UTRN: variants seen among roughly 807,000 people sequenced by gnomAD.
UTRN encodes dystrophin-related protein 1.
A neutral mutation model predicts 463.9 loss-of-function variants in UTRN; 283 were observed. The ratio of observed to expected loss-of-function variants is 0.61; its 90% CI spans 0.55 to 0.67. The LOEUF (loss-of-function observed/expected upper bound fraction) is 0.67. UTRN is among the 30% of genes least tolerant of loss of function. The probability of loss-of-function intolerance (pLI) is 0.00; values close to 1 mark genes in which losing one functional copy is unlikely to be tolerated. For synonymous variants in UTRN, 1,442 were observed against 1,431.5 expected (o/e 1.01, Z -0.17); for missense variants, 3,922 against 4,084.3 (o/e 0.96, Z 1.08).
At chr6:144,731,171 C>A (rs1005627212) in intron 54 of UTRN, among the ~76,000 whole-genome samples, 1 of 151,706 alleles carries the variant, frequency 6.6e-6, no homozygotes, top group Non-Finnish European at 1.5e-5. Context: ...AAATACTTTT[C>A]TTTTACAAGC....
At chr6:144,847,534 C>T (rs1156424175) in intron 74 of UTRN, among the ~76,000 whole-genome samples, 5 of 151,926 alleles carry the variant, frequency 3.3e-5, no homozygotes, top group Admixed American at 6.6e-5. Flanking sequence ...AGTAAATCTG[C>T]GTTTTATATA....
At chr6:144,749,259 G>A (rs1450134187) in intron 55 of UTRN, among the ~76,000 whole-genome samples, 1 of 152,130 alleles carries the variant, frequency 6.6e-6, no homozygotes, top group Non-Finnish European at 1.5e-5. Context: ...CATTGACAGT[G>A]TAGTCAGATA....
chr6:144,477,323 C>T (rs750243594), intron 25 of UTRN, among the ~76,000 whole-genome samples: 1 of 152,066 alleles, frequency 6.6e-6, no homozygotes. Context: ...TAATAAAATG[C>T]TTTTGGCTAA....
rs576236383 is a variant in UTRN at position 144,327,849 on chromosome 6, C to T, written c.79+35942C>T. Among the ~76,000 whole-genome samples the T allele has an allele frequency of 1.5e-3, 224 of 152,068 alleles. 1 individual carries two copies. The highest frequency in any genetic ancestry group is 2.5e-3 in the Non-Finnish European group (170 of 67,982). ...ATCCTAGCAACTCGTGAGGCTGAGGCGGGAGAATCACTTGAACCCGGGAGG... is the reference window on the plus strand; with the variant it reads ...ATCCTAGCAACTCGTGAGGCTGAGGTGGGAGAATCACTTGAACCCGGGAGG... On this transcript the variant is annotated intron_variant, in intron 2 of 74. Transcript: ENST00000367545.
intron 53 of UTRN, among the ~76,000 whole-genome samples, chr6:144,709,885 A>G (rs906355109): frequency 6.6e-6 from 1 of 152,212 alleles, no homozygotes; most frequent in African/African-American, 2.4e-5. Flanking sequence ...TTATATGTAC[A>G]TAAATGATTT....
chr6:144,815,741 C>T (rs1779018182), intron 65 of UTRN, among the ~76,000 whole-genome samples: 1 of 152,204 alleles, frequency 6.6e-6, no homozygotes, highest in South Asian at 2.1e-4. Context: ...AGATGGTACC[C>T]ACCGGGTTTG....
intron 50 of UTRN, among the ~76,000 whole-genome samples, chr6:144,566,679 G>T (rs949162996): frequency 3.3e-5 from 5 of 152,128 alleles, no homozygotes; most frequent in Non-Finnish European, 7.4e-5. Flanking sequence ...TGAACCTGAA[G>T]CTCAGTATAG....
chr6:144,333,007 C>T (rs1215898408), intron 2 of UTRN, among the ~76,000 whole-genome samples: 1 of 151,778 alleles, frequency 6.6e-6, no homozygotes, highest in Non-Finnish European at 1.5e-5. Flanking sequence ...GATCTTGGCT[C>T]ACTGCAACCT....
chr6:144,636,479 CAT>C (rs1013403262), intron 51 of UTRN, among the ~76,000 whole-genome samples: 11 of 152,100 alleles, frequency 7.2e-5, no homozygotes, highest in African/African-American at 2.4e-4. Context: ...ACCGCCATGA[CAT>C]GTGTATACCT....
At chr6:144,394,303 A>G (rs2114774175) in intron 2 of UTRN, among the ~76,000 whole-genome samples, 1 of 152,342 alleles carries the variant, frequency 6.6e-6, no homozygotes, top group East Asian at 1.9e-4. Context: ...TCATAGTTCC[A>G]CGTGGCAAAG....
rs73780567 is a variant in UTRN at position 144,429,513 on chromosome 6, T to G, written c.695-68T>G. 4,172 of 1,399,780 alleles carry G rather than the reference T, an allele frequency of 3.0e-3. 108 individuals carry two copies. In the African/African-American group the frequency reaches 0.051, roughly 17 times the overall value. 86.7% of individuals were successfully genotyped at this position (1,399,780 alleles called of 1,614,324 possible). A position where few individuals can be genotyped will look rare whatever the true frequency, so the allele number is the denominator to read the frequency against. ...GTACTAAGGAGAGTTATTTTATATC[T>G]AATATTGAGCAATTCACATATTTTG... On this transcript the variant is annotated intron_variant, in intron 8 of 74. Transcript: ENST00000367545.
intron 2 of UTRN, among the ~76,000 whole-genome samples, chr6:144,378,367 T>A (rs1213204844): frequency 6.6e-6 from 1 of 152,226 alleles, no homozygotes; most frequent in Non-Finnish European, 1.5e-5. Flanking sequence ...GAGATCAAAG[T>A]TGACATTTCT....
At chr6:144,417,257 G>T (rs1431810322) in intron 3 of UTRN, among the ~76,000 whole-genome samples, 1 of 152,180 alleles carries the variant, frequency 6.6e-6, no homozygotes, top group Non-Finnish European at 1.5e-5. Flanking sequence ...GTCCAGTGAT[G>T]AAATATTTTC....
chr6:144,737,448 C>T (rs577754621), intron 54 of UTRN, among the ~76,000 whole-genome samples: 1 of 152,178 alleles, frequency 6.6e-6, no homozygotes, highest in South Asian at 2.1e-4. Context: ...GGACTTTCAA[C>T]AGTAAAAGAA....
chr6:144,388,082 TAGAA>T (rs1781564004), intron 2 of UTRN, among the ~76,000 whole-genome samples: 1 of 152,210 alleles, frequency 6.6e-6, no homozygotes, highest in African/African-American at 2.4e-5. Flanking sequence ...ATTACAAACT[TAGAA>T]AATATGGCTA....
chr6:144,573,084 C>G (rs182784253), intron 50 of UTRN, among the ~76,000 whole-genome samples: 2 of 152,268 alleles, frequency 1.3e-5, no homozygotes, highest in Non-Finnish European at 1.5e-5. Context: ...TTAGTAATTG[C>G]CATTCTAACT....
intron 14 of UTRN, among the ~76,000 whole-genome samples, chr6:144,445,654 C>A (rs539027807): frequency 6.6e-6 from 1 of 151,556 alleles, no homozygotes; most frequent in African/African-American, 2.4e-5. Context: ...TTTCATGTTA[C>A]AAATATTTAC....
intron 51 of UTRN, among the ~76,000 whole-genome samples, chr6:144,640,380 TAA>T: frequency 1.3e-5 from 2 of 152,296 alleles, no homozygotes; most frequent in South Asian, 4.1e-4. Flanking sequence ...CATGATACAT[TAA>T]GTGTATCCCT....
rs1792909607 is a variant in UTRN, at chr6:144,490,096, A to G, written c.4160A>G (p.His1387Arg). 6.2e-7 allele frequency: 1 copy of G among 1,612,948 alleles called. No individual in the cohort carries two copies. The highest frequency in any genetic ancestry group is 8.5e-7 in the Non-Finnish European group (1 of 1,179,570). The change falls in exon 31 of 75, where the codon CAT becomes CGT. Residue 1387 changes from histidine to arginine, a missense_variant. His to Arg is a conservative substitution (Grantham distance 29). Around this residue, in one of 3 missense-constraint regions of UTRN, gnomAD observed 2,349 missense variants for 2,303.8 expected, o/e 1.02. Coordinates refer to ENST00000367545, the MANE Select transcript of UTRN (RefSeq NM_007124.3). Reference protein sequence around the residue: ...AQKIQAEISAHELTLEELRRN... With the variant: ...AQKIQAEISARELTLEELRRN... The stretch of plus-strand genomic sequence containing the variant: ...AAAATCCAAGCAGAGATCTCAGCCC[A>G]TGAGCTAACCCTAGAGGAGTTGAGA...
Sources: allele counts gnomAD v4.1 joint callset (sites outside exome capture counted in the v4.1 genomes callset), GRCh38; gene constraint gnomAD v4.1.1; regional missense constraint gnomAD v4.1.1; transcripts MANE v1.5; gene names NCBI Gene and HGNC (gene_info 2026-07-23, HGNC 2026-07-21).